The following PACRG variants were observed in gnomAD, a reference collection of about 807,000 sequenced individuals.
PACRG encodes parkin coregulated.
PACRG carries 29 observed loss-of-function variants against 29.7 expected under a neutral mutation model. The ratio of observed to expected loss-of-function variants is 0.98; its 90% CI spans 0.73 to 1.33. The LOEUF is 1.33. Among genes scored for constraint, PACRG ranks in the 40% most tolerant of loss-of-function variants. The pLI, the probability that PACRG is intolerant of heterozygous loss-of-function variation, is 0.00. For synonymous variants in PACRG, 116 were observed against 118.7 expected (o/e 0.98, Z 0.15); for missense variants, 279 against 316.2 (o/e 0.88, Z 0.89).
chr6:162,751,186 A>G (rs578075606), intron 1 of PACRG, among the ~76,000 whole-genome samples: 1 of 152,204 alleles, frequency 6.6e-6, no homozygotes, highest in Non-Finnish European at 1.5e-5. Context: ...AGCACTTCAG[A>G]GTTAGCATAA....
At chr6:162,874,913 A>C (rs894752345) in intron 2 of PACRG, among the ~76,000 whole-genome samples, 1 of 152,102 alleles carries the variant, frequency 6.6e-6, no homozygotes, top group Non-Finnish European at 1.5e-5. Flanking sequence ...TCACACAGTT[A>C]CACATTCATA....
chr6:163,138,253 A>G (rs1817016516), intron 4 of PACRG, among the ~76,000 whole-genome samples: 2 of 152,160 alleles, frequency 1.3e-5, no homozygotes, highest in Admixed American at 6.5e-5. Flanking sequence ...ACGTTTTTCT[A>G]ACTTAAGAAC....
chr6:162,930,644 A>C (rs1252182289), intron 2 of PACRG, among the ~76,000 whole-genome samples: 1 of 152,024 alleles, frequency 6.6e-6, no homozygotes, highest in African/African-American at 2.4e-5. Context: ...AAAAGTAGTA[A>C]AAGTGGGCAT....
chr6:162,848,960 A>G (rs113573356), intron 2 of PACRG, among the ~76,000 whole-genome samples: 3 of 152,246 alleles, frequency 2.0e-5, no homozygotes, highest in African/African-American at 7.2e-5. Context: ...AGGAGAGAGC[A>G]ACTTTAGGGG....
chr6:163,188,486 G>A (rs917426520), intron 4 of PACRG, among the ~76,000 whole-genome samples: 22 of 152,126 alleles, frequency 1.4e-4, no homozygotes, highest in African/African-American at 4.6e-4. Flanking sequence ...TGAGTCCACC[G>A]TCTCCTTTAT....
At chr6:163,113,733 A>G (rs890503683) in intron 4 of PACRG, among the ~76,000 whole-genome samples, 1 of 152,218 alleles carries the variant, frequency 6.6e-6, no homozygotes, top group Non-Finnish European at 1.5e-5. Context: ...TGCTACTGCT[A>G]CACCCACCCT....
chr6:162,833,621 AC>A (rs571273036), intron 2 of PACRG, among the ~76,000 whole-genome samples: 221 of 151,972 alleles, frequency 1.5e-3, no homozygotes, highest in African/African-American at 5.1e-3. Context: ...GTGATGTTGA[AC>A]CTTTTTTCAT....
intron 4 of PACRG, among the ~76,000 whole-genome samples, chr6:163,286,875 C>T (rs1270611413): frequency 6.6e-6 from 1 of 151,960 alleles, no homozygotes; most frequent in Non-Finnish European, 1.5e-5. Flanking sequence ...TTTATGTGTA[C>T]ACGTGTAGAT....
chr6:163,215,563 G>A (rs137908362), intron 4 of PACRG, among the ~76,000 whole-genome samples: 52 of 152,292 alleles, frequency 3.4e-4, no homozygotes, highest in Non-Finnish European at 7.2e-4. Flanking sequence ...CATTTAAGAT[G>A]CTCATGGGAC....
intron 4 of PACRG, among the ~76,000 whole-genome samples, chr6:163,119,306 G>T (rs1006348545): frequency 6.6e-6 from 1 of 152,234 alleles, no homozygotes; most frequent in African/African-American, 2.4e-5. Flanking sequence ...GTTCTCGTCT[G>T]TGAAACTTGG....
At chr6:163,184,391 A>C (rs2763998) in intron 4 of PACRG, among the ~76,000 whole-genome samples, 132,091 of 152,144 alleles carry the variant, frequency 0.87, 57,511 homozygotes, top group African/African-American at 0.93. Flanking sequence ...CTAGCTCAGT[A>C]ACACTGCCCC....
Position 163,011,481 on chromosome 6 carries a change from A to G in PACRG, c.292-50669A>G, listed in dbSNP as rs150813826. Among the ~76,000 whole-genome samples, 70 of 152,358 alleles carry G rather than the reference A, an allele frequency of 4.6e-4. 1 individual carries two copies. The highest frequency in any genetic ancestry group is 1.5e-3 in the African/African-American group (62 of 41,576). ...GGTACACCTATATAGGGCATTTGCC[A>G]TAAGGCTTACAGGACTGGAAGTGGC... On this transcript the variant is annotated intron_variant, in intron 2 of 4. Transcript: ENST00000366888.
chr6:162,962,040 C>T (rs1165948123), intron 2 of PACRG, among the ~76,000 whole-genome samples: 1 of 152,020 alleles, frequency 6.6e-6, no homozygotes, highest in Non-Finnish European at 1.5e-5. Context: ...TTCCTTTTTT[C>T]TCTAGTGTGT....
At chr6:163,196,921 AGACAGATAGATAGAT>A (rs569610609) in intron 4 of PACRG, among the ~76,000 whole-genome samples, 1,303 of 127,186 alleles carry the variant, frequency 0.01, 20 homozygotes, top group African/African-American at 0.035. Context: ...CAGACAGACT[AGACAGATAGATAGAT>A]AGATAGATAG....
intron 4 of PACRG, among the ~76,000 whole-genome samples, chr6:163,274,680 C>G (rs908807016): frequency 3.3e-5 from 5 of 152,178 alleles, no homozygotes; most frequent in African/African-American, 1.2e-4. Context: ...TCTCCACATC[C>G]TCTCCAGCAC....
chr6:163,109,061 G>C (rs987696406), intron 4 of PACRG, among the ~76,000 whole-genome samples: 1 of 152,150 alleles, frequency 6.6e-6, no homozygotes, highest in African/African-American at 2.4e-5. Flanking sequence ...CATCTTGATT[G>C]TTTTCTGCTC....
intron 2 of PACRG, among the ~76,000 whole-genome samples, chr6:162,908,763 AG>A (rs2128072323): frequency 1.3e-5 from 2 of 152,324 alleles, no homozygotes; most frequent in South Asian, 4.1e-4. Flanking sequence ...AGCCAGAATC[AG>A]GGGCCCACTG....
chr6:162,795,488 G>C (rs148057584), intron 1 of PACRG, among the ~76,000 whole-genome samples: 210 of 151,948 alleles, frequency 1.4e-3, no homozygotes, highest in African/African-American at 4.8e-3. Context: ...AAAATTATTT[G>C]AACTATAACT....
rs115502339 is a variant in PACRG at position 162,887,555 on chromosome 6, G to C, written c.291+73274G>C. ...CCCATAGTAATACTTATGTGGACAC[G>C]TTCTTGTAAAACTTCCCACCAAAAT... On this transcript the variant is annotated intron_variant, in intron 2 of 4. Transcript: ENST00000366888. Among the ~76,000 whole-genome samples, 1,086 of 152,274 alleles carry C rather than the reference G, an allele frequency of 7.1e-3. 11 individuals carry two copies. The highest frequency in any genetic ancestry group is 0.025 in the African/African-American group (1,039 of 41,556).
Sources: allele counts gnomAD v4.1 joint callset (sites outside exome capture counted in the v4.1 genomes callset), GRCh38; gene constraint gnomAD v4.1.1; transcripts MANE v1.5; gene names NCBI Gene and HGNC (gene_info 2026-07-23, HGNC 2026-07-21).